Variants in GSDMB observed in about 807,000 individuals in gnomAD.
GSDMB encodes gasdermin-B.
GSDMB carries 32 observed loss-of-function variants against 42.9 expected under a neutral mutation model. The ratio of observed to expected loss-of-function variants is 0.75; its 90% CI spans 0.56 to 1.00. GSDMB has a LOEUF of 1.00. Among genes scored for constraint, GSDMB ranks in the 50% least tolerant of loss-of-function variants. The pLI is 0.00. For missense variants in GSDMB, 468 were observed against 498.5 expected (o/e 0.94, Z 0.58); for synonymous variants, 175 against 193.7 (o/e 0.90, Z 0.80).
chr17:39,913,210 G>T (rs550488790), intron 2 of GSDMB, among the ~76,000 whole-genome samples: 31 of 152,332 alleles, frequency 2.0e-4, no homozygotes, highest in Non-Finnish European at 4.4e-4. Context: ...TTAACCAAGT[G>T]CCTGGCATAC....
chr17:39,908,897 C>T (rs1483935216), intron 5 of GSDMB, 61 bp downstream of exon 5: 1 of 1,056,174 alleles, frequency 9.5e-7, no homozygotes, highest in Middle Eastern at 2.4e-4. Flanking sequence ...TTGAATCCCA[C>T]CCCCCACCTC....
chr17:39,910,538 T>G (rs1202303836), intron 3 of GSDMB, among the ~76,000 whole-genome samples: 2 of 150,824 alleles, frequency 1.3e-5, no homozygotes, highest in African/African-American at 4.9e-5. Flanking sequence ...GAGCTGGGAT[T>G]CAAACCCTGG....
chr17:39,909,098 G>T, intron 4 of GSDMB, 56 bp from the exon 5 acceptor site: 1 of 997,414 alleles, frequency 1.0e-6, no homozygotes, highest in Non-Finnish European at 1.5e-6. Context: ...TCATTATCTT[G>T]CCTGATCTCC....
Position 39,904,663 on chromosome 17 carries a change from A to G in GSDMB, c.*149T>C. 1.6e-6 allele frequency: 1 copy of G among 614,690 alleles called. No individual in the cohort carries two copies. Among genetic ancestry groups the G allele is most frequent in the Non-Finnish European group, 2.8e-6 (1 of 357,844 alleles). 38.1% of individuals were successfully genotyped at this position (614,690 alleles called of 1,614,324 possible). A position where few individuals can be genotyped will look rare whatever the true frequency, so the allele number is the denominator to read the frequency against. The stretch of plus-strand genomic sequence containing the variant: ...GAAATCCAGGCTGGTTTTGGATGTT[A>G]ACATGGAGCGAATGGGATACATCAA... On this transcript the variant is annotated 3_prime_UTR_variant, in exon 11 of 11. Transcript: ENST00000418519.
chr17:39,915,446 C>G (rs1462960750), intron 2 of GSDMB, among the ~76,000 whole-genome samples: 1 of 152,202 alleles, frequency 6.6e-6, no homozygotes, highest in Non-Finnish European at 1.5e-5. Flanking sequence ...CACAGATGAG[C>G]TTTTCCTTAA....
At chr17:39,907,517 C>T (rs1391914213) in intron 6 of GSDMB, 3 of 152,052 alleles carry the variant, frequency 2.0e-5, no homozygotes, top group African/African-American at 7.3e-5. Flanking sequence ...AGCCTGCCAA[C>T]ATATAGTGAA....
intron 9 of GSDMB, 128 bp downstream of exon 9, chr17:39,905,719 G>A: frequency 2.7e-6 from 3 of 1,103,852 alleles, no homozygotes; most frequent in Non-Finnish European, 4.0e-6. Context: ...GCCTGAGGAA[G>A]ACATGAAGGA....
intron 2 of GSDMB, among the ~76,000 whole-genome samples, chr17:39,914,823 C>T (rs1398239831): frequency 2.2e-5 from 3 of 137,066 alleles, no homozygotes; most frequent in African/African-American, 8.6e-5. Flanking sequence ...AACACAAAAT[C>T]CTATGCACAC....
intron 3 of GSDMB, among the ~76,000 whole-genome samples, chr17:39,910,596 C>T (rs1448134577): frequency 3.9e-5 from 6 of 152,144 alleles, no homozygotes; most frequent in South Asian, 2.1e-4. Context: ...CTGAGATAGG[C>T]ATCTGTGAAG....
chr17:39,908,128 C>A (rs763101622), intron 6 of GSDMB, 48 bp downstream of exon 6: 102 of 1,067,460 alleles, frequency 9.6e-5, no homozygotes, highest in Non-Finnish European at 1.4e-4. Flanking sequence ...AAAATAGTGT[C>A]TTTGCCCATT....
In GSDMB at chr17:39,908,825, C is replaced by A. The variant is rs564042836; in HGVS notation, c.661+133G>T. The A allele has an allele frequency of 1.1e-5, 8 of 699,472 alleles. No individual in the cohort carries two copies. In the East Asian group the frequency reaches 2.2e-4, roughly 19 times the overall value. The allele number at this position is 699,472 out of a possible 1,614,324, so 43.3% of individuals were successfully genotyped here. A position where few individuals can be genotyped will look rare whatever the true frequency, so the allele number is the denominator to read the frequency against. ...TTCCTAGTGCTGAACCCACCCTTTTCCCTGGACCCCTCCCCAACCTCCAAG... is the reference window on the plus strand; with the variant it reads ...TTCCTAGTGCTGAACCCACCCTTTTACCTGGACCCCTCCCCAACCTCCAAG... On this transcript the variant is annotated intron_variant, in intron 5 of 10. Coordinates refer to ENST00000418519, the MANE Select transcript of GSDMB (RefSeq NM_001165958.2).
chr17:39,912,328 GT>G lies in GSDMB; in HGVS notation c.404del (p.Asn135ThrfsTer4), dbSNP rs753150033. 37 of 1,613,142 alleles carry G rather than the reference GT, an allele frequency of 2.3e-5. No homozygotes were observed. The African/African-American group carries it at 4.1e-4, about 18-fold the overall frequency. On this transcript the variant is annotated frameshift_variant, in exon 3 of 11. Coordinates refer to ENST00000418519, the MANE Select transcript of GSDMB (RefSeq NM_001165958.2). LOFTEE classifies it high-confidence loss of function. Reference sequence around the variant, plus strand: ...CTGCTGCCCAACTCCAACCTCACCTGTTTTCAAGGGTAGCCAGATACTGCTG... The same window carrying G: ...CTGCTGCCCAACTCCAACCTCACCTGTTTCAAGGGTAGCCAGATACTGCTG... ...ISQQYLATLENRKLKRELPFS... is the reference protein window; with the variant it reads ...ISQQYLATLEXRKLKRELPFS...
intron 7 of GSDMB, 43 bp from the exon 8 acceptor site, chr17:39,906,314 A>T (rs765242683): frequency 8.1e-6 from 13 of 1,597,070 alleles, no homozygotes; most frequent in Admixed American, 1.7e-5. Flanking sequence ...CCAGCCCAAA[A>T]GGTTTTATTT....
At chr17:39,909,566 G>C in intron 4 of GSDMB, 190 bp downstream of exon 4, 1 of 564,888 alleles carries the variant, frequency 1.8e-6, no homozygotes, top group Admixed American at 3.0e-5. Flanking sequence ...CAAATGAAAA[G>C]AGGGCACCGC....
At chr17:39,905,738 C>CA (rs759214229) in intron 9 of GSDMB, 109 bp downstream of exon 9, 3 of 1,257,040 alleles carry the variant, frequency 2.4e-6, no homozygotes, top group Non-Finnish European at 3.4e-6. Context: ...GAGTGCCCCC[C>CA]ATAAACTGTG....
At chr17:39,915,602 ATT>A (rs10610202) in intron 2 of GSDMB, among the ~76,000 whole-genome samples, 14,611 of 145,008 alleles carry the variant, frequency 0.1, 1,725 homozygotes, top group African/African-American at 0.3. Context: ...TGGCAAACTG[ATT>A]TTTTTTTTTT....
chr17:39,915,920 G>A (rs1031458), intron 2 of GSDMB, among the ~76,000 whole-genome samples: 2 of 151,856 alleles, frequency 1.3e-5, no homozygotes, highest in East Asian at 1.9e-4. Flanking sequence ...AGCTATGAGC[G>A]CCTTGCTATT....
In GSDMB at chr17:39,906,188, C is replaced by A. The variant is rs753994352; in HGVS notation, c.811G>T (p.Glu271Ter). 4 of 1,613,984 alleles carry A rather than the reference C, an allele frequency of 2.5e-6. No homozygotes were observed. Among genetic ancestry groups the A allele is most frequent in the Non-Finnish European group, 3.4e-6 (4 of 1,179,952 alleles). ...MESVLKDLTE[E>*]KRKDVLNSLA... ...GAGTTTAGCACATCTTTTCTCTTCT[C>A]CTCTGTCAGGTCCTTGAGGACACTC... Residue 271 changes from glutamate to a stop codon, truncating the protein, a stop_gained, in exon 8 of 11, where the codon GAG (glutamate) becomes TAG (stop). Coordinates refer to ENST00000418519, the MANE Select transcript of GSDMB (RefSeq NM_001165958.2). LOFTEE classifies it high-confidence loss of function.
intron 3 of GSDMB, 67 bp downstream of exon 3, chr17:39,912,259 C>T: frequency 8.7e-7 from 1 of 1,155,514 alleles, no homozygotes; most frequent in Non-Finnish European, 1.3e-6. Context: ...GTCTGCCACC[C>T]TTGAATCCCT....
Sources: gnomAD v4.1 joint callset for allele counts (sites outside exome capture counted in the v4.1 genomes callset) on GRCh38, gnomAD v4.1.1 for gene constraint, MANE v1.5 for transcripts, NCBI Gene and HGNC (gene_info 2026-07-23, HGNC 2026-07-21) for gene names.